ANXA10: variants seen among roughly 807,000 people sequenced by gnomAD.
ANXA10 encodes the protein annexin 14.
In ANXA10, 49 loss-of-function variants were observed where a neutral mutation model predicts 53.5. The observed-to-expected ratio is 0.92, with a 90% CI of 0.73 to 1.16. The LOEUF (loss-of-function observed/expected upper bound fraction) is 1.16, where lower values mean the gene tolerates loss of function less well. ANXA10 is among the 50% of genes most tolerant of loss of function. The probability of loss-of-function intolerance (pLI) is 0.00; values close to 1 mark genes in which losing one functional copy is unlikely to be tolerated. For missense variants in ANXA10, 393 were observed against 394.4 expected, an observed-to-expected ratio of 1.00 and a Z score of 0.03; for synonymous variants, 131 against 128.9, an observed-to-expected ratio of 1.02 and a Z score of -0.11.
chr4:168,153,082 A>C (rs1307375295), intron 3 of ANXA10, among the ~76,000 whole-genome samples: 1 of 152,060 alleles, frequency 6.6e-6, no homozygotes, highest in African/African-American at 2.4e-5. Flanking sequence ...GGACTCAAGC[A>C]ATCTGGCGGC....
intron 10 of ANXA10, among the ~76,000 whole-genome samples, chr4:168,182,275 A>G (rs999092281): frequency 2.8e-5 from 4 of 144,056 alleles, no homozygotes; most frequent in Non-Finnish European, 4.5e-5. Flanking sequence ...AATGTTTTTC[A>G]TACTTCAGTG....
chr4:168,101,977 A>G (rs1248365015), intron 1 of ANXA10, among the ~76,000 whole-genome samples: 1 of 152,134 alleles, frequency 6.6e-6, no homozygotes, highest in Non-Finnish European at 1.5e-5. Flanking sequence ...GACTATCAAT[A>G]TCTGAAACCT....
rs112560702 is a variant in ANXA10, at chr4:168,142,484, T to C, written c.195+2904T>C. On this transcript the variant is annotated intron_variant, in intron 3 of 11. Coordinates refer to ENST00000359299, the MANE Select transcript of ANXA10 (RefSeq NM_007193.5). ...GGACACCTATCATCCTTCCAGGTACTAGACACAAGACCTCACAGCCCCCCA... is the reference window on the plus strand; with the variant it reads ...GGACACCTATCATCCTTCCAGGTACCAGACACAAGACCTCACAGCCCCCCA... Among the ~76,000 whole-genome samples the C allele has an allele frequency of 2.4e-3, 363 of 152,302 alleles. 2 individuals carry two copies. Among genetic ancestry groups the C allele is most frequent in the African/African-American group, 8.3e-3 (345 of 41,574 alleles).
chr4:168,127,914 G>A (rs1731097653), intron 1 of ANXA10, 170 bp from the exon 2 acceptor site: 2 of 547,198 alleles, frequency 3.7e-6, no homozygotes, highest in East Asian at 3.2e-5. Context: ...TGTAGAGAGG[G>A]GGTTTCATCA....
intron 1 of ANXA10, among the ~76,000 whole-genome samples, chr4:168,120,311 T>C (rs1730963238): frequency 6.6e-6 from 1 of 152,086 alleles, no homozygotes. Context: ...AAATATAAAA[T>C]TTCCAAGCAA....
chr4:168,138,579 C>A (rs1731277573), intron 2 of ANXA10, among the ~76,000 whole-genome samples: 1 of 152,134 alleles, frequency 6.6e-6, no homozygotes, highest in South Asian at 2.1e-4. Context: ...TATTCAGGCC[C>A]TTTTTTGGCT....
At chr4:168,178,236 G>T in intron 8 of ANXA10, 2 of 448,442 alleles carry the variant, frequency 4.5e-6, no homozygotes, top group South Asian at 5.1e-5. Flanking sequence ...TGTATTTGAT[G>T]GAGTACTTAT....
chr4:168,164,390 CT>C (rs1407502151), intron 5 of ANXA10, 102 bp downstream of exon 5: 2 of 894,642 alleles, frequency 2.2e-6, no homozygotes, highest in Non-Finnish European at 3.4e-6. Flanking sequence ...CTAAGACATT[CT>C]TACATTTAAC....
intron 1 of ANXA10, among the ~76,000 whole-genome samples, chr4:168,127,207 T>C (rs1474197130): frequency 2.0e-5 from 3 of 152,120 alleles, no homozygotes; most frequent in Non-Finnish European, 4.4e-5. Context: ...CAGTCCAAAA[T>C]AATGCACCAT....
chr4:168,119,455 G>C (rs536550557), intron 1 of ANXA10, among the ~76,000 whole-genome samples: 5 of 152,234 alleles, frequency 3.3e-5, no homozygotes, highest in African/African-American at 1.2e-4. Flanking sequence ...TAGAATCACA[G>C]AATTTTTAAT....
chr4:168,140,767 C>G (rs28551176), intron 3 of ANXA10, among the ~76,000 whole-genome samples: 1 of 152,022 alleles, frequency 6.6e-6, no homozygotes, highest in Non-Finnish European at 1.5e-5. Context: ...TACAGCTGTG[C>G]GTCACCACGC....
At chr4:168,137,174 A>G (rs531403390) in intron 2 of ANXA10, among the ~76,000 whole-genome samples, 2 of 152,310 alleles carry the variant, frequency 1.3e-5, no homozygotes, top group South Asian at 4.1e-4. Context: ...AACACTAATC[A>G]GCTTAAAGGT....
At chr4:168,130,940 A>C (rs546705919) in intron 2 of ANXA10, among the ~76,000 whole-genome samples, 6 of 151,806 alleles carry the variant, frequency 4.0e-5, no homozygotes, top group Non-Finnish European at 7.4e-5. Context: ...CCCCCAAAAA[A>C]AACCAGCTTT....
intron 3 of ANXA10, among the ~76,000 whole-genome samples, chr4:168,154,693 C>T (rs1731570729): frequency 1.3e-5 from 2 of 152,278 alleles, no homozygotes; most frequent in Admixed American, 1.3e-4. Context: ...AAATGTGCCA[C>T]AGGTACCACC....
chr4:168,170,397 T>C (rs1037524568), intron 6 of ANXA10, among the ~76,000 whole-genome samples: 1 of 152,168 alleles, frequency 6.6e-6, no homozygotes. Context: ...CCTAGTTTTA[T>C]CTTAACAGAA....
chr4:168,177,262 G>C (rs1325666744), intron 6 of ANXA10, among the ~76,000 whole-genome samples: 2 of 152,154 alleles, frequency 1.3e-5, no homozygotes, highest in East Asian at 3.9e-4. Context: ...ATAATGGAGT[G>C]AGAGTTAAAC....
At chr4:168,100,694 G>A (rs1730625366) in intron 1 of ANXA10, among the ~76,000 whole-genome samples, 1 of 151,978 alleles carries the variant, frequency 6.6e-6, no homozygotes, top group African/African-American at 2.4e-5. Flanking sequence ...AACCAATGTG[G>A]CAATTTCTGA....
chr4:168,174,037 G>A (rs921217569), intron 6 of ANXA10, among the ~76,000 whole-genome samples: 1 of 152,060 alleles, frequency 6.6e-6, no homozygotes, highest in African/African-American at 2.4e-5. Flanking sequence ...CCCAACTTGG[G>A]TCTCCCTCTT....
chr4:168,139,164 T>G (rs973805540), intron 2 of ANXA10, among the ~76,000 whole-genome samples: 7 of 152,136 alleles, frequency 4.6e-5, no homozygotes, highest in Admixed American at 2.6e-4. Context: ...GGAAATATCT[T>G]TGTATTGTTT....
Sources: gnomAD v4.1 joint callset for allele counts (sites outside exome capture counted in the v4.1 genomes callset) on GRCh38, gnomAD v4.1.1 for gene constraint, MANE v1.5 for transcripts, NCBI Gene and HGNC (gene_info 2026-07-23, HGNC 2026-07-21) for gene names.